The following MTMR8 variants were observed in gnomAD, a reference collection of about 807,000 sequenced individuals.
MTMR8 encodes the protein myotubularin related protein 8.
In MTMR8, 65 loss-of-function variants were observed where a neutral mutation model predicts 39.3. The observed-to-expected ratio is 1.65, with a 90% CI of 1.35 to 2.03. MTMR8 has a LOEUF of 2.03. MTMR8 is among the 30% of genes most tolerant of loss of function. The pLI is 0.00. For missense variants in MTMR8, 777 were observed against 538.9 expected (o/e 1.44, Z -4.37); for synonymous variants, 245 against 185.2 (o/e 1.32, Z -2.62).
intron 12 of MTMR8, among the ~76,000 whole-genome samples, chrX:64,288,556 GAC>G (rs1206813053): frequency 9.0e-6 from 1 of 111,672 alleles, no homozygotes; most frequent in African/African-American, 3.3e-5. Flanking sequence ...CTGCTATAAA[GAC>G]ACATGCAAAC....
At chrX:64,339,027 G>A (rs758107135) in intron 8 of MTMR8, among the ~76,000 whole-genome samples, 124 of 110,757 alleles carry the variant, frequency 1.1e-3, no homozygotes, top group African/African-American at 3.9e-3. Context: ...GAGGTAGTTC[G>A]GGAACATCTA....
chrX:64,270,305 C>T (rs1207320019), intron 13 of MTMR8, among the ~76,000 whole-genome samples: 2 of 112,182 alleles, frequency 1.8e-5, no homozygotes, highest in Non-Finnish European at 1.9e-5. Flanking sequence ...TATGCCTTAT[C>T]TGGCTTAAAG....
chrX:64,393,895 C>A (rs1250278943), intron 1 of MTMR8, among the ~76,000 whole-genome samples: 1 of 112,567 alleles, frequency 8.9e-6, no homozygotes, highest in Non-Finnish European at 1.9e-5. Flanking sequence ...CACACATCCT[C>A]TTATTTAATC....
chrX:64,286,978 G>A (rs1189683049), intron 12 of MTMR8, among the ~76,000 whole-genome samples: 1 of 111,317 alleles, frequency 9.0e-6, no homozygotes, highest in East Asian at 2.8e-4. Context: ...TCAGGCAGAA[G>A]AAAGAAATAA....
At chrX:64,303,866 G>A (rs1921987427) in intron 12 of MTMR8, among the ~76,000 whole-genome samples, 1 of 111,948 alleles carries the variant, frequency 8.9e-6, no homozygotes, top group Non-Finnish European at 1.9e-5. Flanking sequence ...ATCTGAAAAT[G>A]AACTATGCTG....
intron 12 of MTMR8, among the ~76,000 whole-genome samples, chrX:64,273,705 A>C (rs1931813813): frequency 9.0e-6 from 1 of 111,430 alleles, no homozygotes. Flanking sequence ...TATGCTGTCT[A>C]TAAGAGACTC....
intron 12 of MTMR8, among the ~76,000 whole-genome samples, chrX:64,279,722 G>T (rs1290654804): frequency 9.0e-6 from 1 of 111,692 alleles, no homozygotes; most frequent in Non-Finnish European, 1.9e-5. Context: ...CACACTTCTT[G>T]ACTTCAAAAG....
At chrX:64,284,800 GCCCTACAAGAGCT>G (rs1921095904) in intron 12 of MTMR8, among the ~76,000 whole-genome samples, 1 of 111,822 alleles carries the variant, frequency 8.9e-6, no homozygotes, top group Admixed American at 9.5e-5. Flanking sequence ...CACCAGGCCT[GCCCTACAAGAGCT>G]CCTGAAGGAA....
chrX:64,276,723 G>C (rs1931879090), intron 12 of MTMR8, among the ~76,000 whole-genome samples: 2 of 111,877 alleles, frequency 1.8e-5, no homozygotes, highest in African/African-American at 3.2e-5. Flanking sequence ...TTTAGAATAA[G>C]TGCAATGTGG....
rs1340225298 is a variant in MTMR8, at chrX:64,331,561, G to T, written c.1348C>A (p.Leu450Ile). 2.5e-6 allele frequency: 3 copies of T among 1,208,232 alleles called. No homozygotes were observed. Among genetic ancestry groups the T allele is most frequent in the Non-Finnish European group, 3.4e-6 (3 of 893,223 alleles). ...LGNCQKDRED[L>I]RVYEKTHSVW... ...CTTCTCACAAAGTAAATTCACCTTA[G>T]ATCTTCCCGATCCTTCTGGCAGTTA... The change falls in exon 11 of 14, where the codon CTA (leucine) becomes ATA (isoleucine). Residue 450 changes from leucine to isoleucine, a missense_variant. Coordinates refer to ENST00000374852, the MANE Select transcript of MTMR8 (RefSeq NM_017677.4).
At chrX:64,297,869 T>C (rs1921678349) in intron 12 of MTMR8, among the ~76,000 whole-genome samples, 1 of 107,311 alleles carries the variant, frequency 9.3e-6, no homozygotes, top group South Asian at 4.2e-4. Context: ...TTTTCTCAGG[T>C]TTGTCAAAGA....
chrX:64,395,410 C>T lies in MTMR8; in HGVS notation c.-47G>A, dbSNP rs1167703068. 3.4e-6 allele frequency: 4 copies of T among 1,185,677 alleles called. No homozygotes were observed. Among genetic ancestry groups the T allele is most frequent in the Non-Finnish European group, 4.6e-6 (4 of 876,546 alleles). On this transcript the variant is annotated 5_prime_UTR_variant, in exon 1 of 14. Coordinates refer to ENST00000374852, the MANE Select transcript of MTMR8 (RefSeq NM_017677.4). ...AAGATCTCAGTGCTACTCCAGATGCCGCCGCCACCGGTCTAGCCGCCTCCT... is the reference window on the plus strand; with the variant it reads ...AAGATCTCAGTGCTACTCCAGATGCTGCCGCCACCGGTCTAGCCGCCTCCT...
intron 12 of MTMR8, among the ~76,000 whole-genome samples, chrX:64,283,700 A>T (rs1316946281): frequency 8.9e-6 from 1 of 112,440 alleles, no homozygotes; most frequent in Non-Finnish European, 1.9e-5. Context: ...TGCTGCTGAT[A>T]CCCAGGCAAA....
intron 12 of MTMR8, among the ~76,000 whole-genome samples, chrX:64,314,329 C>T (rs775879048): frequency 8.9e-6 from 1 of 112,756 alleles, no homozygotes; most frequent in Non-Finnish European, 1.9e-5. Context: ...TAGGAGGTGC[C>T]AGCATGCCTG....
At chrX:64,342,242 A>G (rs1298461559) in intron 8 of MTMR8, among the ~76,000 whole-genome samples, 2 of 112,886 alleles carry the variant, frequency 1.8e-5, no homozygotes, top group East Asian at 5.6e-4. Context: ...GGCTATCTTA[A>G]CTAGAGAAAT....
intron 4 of MTMR8, among the ~76,000 whole-genome samples, chrX:64,350,330 C>G (rs1006692463): frequency 9.1e-6 from 1 of 110,181 alleles, no homozygotes; most frequent in Non-Finnish European, 1.9e-5. Flanking sequence ...TCCTCCTCTA[C>G]CTGTCTGCTT....
rs148955661 is a variant in MTMR8, at chrX:64,268,715, G to C, written c.1937C>G (p.Thr646Arg). Residue 646 changes from threonine to arginine, a missense_variant, in exon 14 of 14, where the codon ACG becomes AGG. Thr to Arg is a moderately conservative substitution (Grantham distance 71, BLOSUM62 -1). Coordinates refer to ENST00000374852, the MANE Select transcript of MTMR8 (RefSeq NM_017677.4). ...ISGDMCTFEA[T>R]GFSKDLGICG... ...GATTCCTAAGTCTTTGGAGAAGCCC[G>C]TAGCCTCAAAGGTGCACATGTCTCC... is the stretch of plus-strand genomic sequence containing the variant. The C allele has an allele frequency of 1.7e-6, 2 of 1,211,433 alleles. No homozygotes were observed. Among genetic ancestry groups the C allele is most frequent in the Non-Finnish European group, 2.2e-6 (2 of 895,442 alleles).
At chrX:64,358,842 T>TGC (rs2147233889) in intron 2 of MTMR8, among the ~76,000 whole-genome samples, 1 of 80,182 alleles carries the variant, frequency 1.2e-5, no homozygotes, top group Non-Finnish European at 2.0e-5. Flanking sequence ...TGCCCGTGCA[T>TGC]GCACACACAC....
intron 6 of MTMR8, among the ~76,000 whole-genome samples, chrX:64,347,496 T>C (rs1421495731): frequency 8.9e-6 from 1 of 111,786 alleles, no homozygotes; most frequent in Non-Finnish European, 1.9e-5. Context: ...GCTCAGTCAG[T>C]CCTAGGTAGC....
Sources: gnomAD v4.1 joint callset for allele counts (sites outside exome capture counted in the v4.1 genomes callset) on GRCh38, gnomAD v4.1.1 for gene constraint, MANE v1.5 for transcripts, NCBI Gene and HGNC (gene_info 2026-07-23, HGNC 2026-07-21) for gene names.